The following MED27 variants were observed in gnomAD, a reference collection of about 807,000 sequenced individuals.
The protein encoded by MED27 is mediator of RNA polymerase II transcription subunit 27.
A neutral mutation model predicts 38.2 loss-of-function variants in MED27; 30 were observed. The observed-to-expected ratio is 0.79, with a 90% CI of 0.59 to 1.07. The LOEUF is 1.07. Among genes scored for constraint, MED27 ranks in the 50% least tolerant of loss-of-function variants. The pLI, the probability that MED27 is intolerant of heterozygous loss-of-function variation, is 0.00. For missense variants in MED27, 289 were observed against 397.5 expected (o/e 0.73, Z 2.32); for synonymous variants, 122 against 153.5 (o/e 0.79, Z 1.52).
At chr9:132,022,854 G>T (rs781456805) in intron 2 of MED27, among the ~76,000 whole-genome samples, 1 of 152,158 alleles carries the variant, frequency 6.6e-6, no homozygotes, top group Non-Finnish European at 1.5e-5. Context: ...ACGTAAAACC[G>T]TCAGATCTCA....
chr9:131,906,775 G>A (rs1830070988), intron 4 of MED27, among the ~76,000 whole-genome samples: 1 of 152,096 alleles, frequency 6.6e-6, no homozygotes, highest in Non-Finnish European at 1.5e-5. Context: ...TATTAGGAAA[G>A]TAAAGGAAAA....
chr9:132,060,173 T>C (rs779718736), intron 2 of MED27, among the ~76,000 whole-genome samples: 17 of 152,136 alleles, frequency 1.1e-4, no homozygotes, highest in Non-Finnish European at 1.2e-4. Context: ...CTGATTAGCA[T>C]AGGTATGACC....
chr9:131,946,720 T>C (rs1830893369), intron 3 of MED27, among the ~76,000 whole-genome samples: 1 of 152,230 alleles, frequency 6.6e-6, no homozygotes, highest in Admixed American at 6.5e-5. Context: ...TCCACGTCCC[T>C]GAGCAGGCTC....
intron 5 of MED27, among the ~76,000 whole-genome samples, chr9:131,885,988 T>C (rs2131489656): frequency 6.6e-6 from 1 of 152,268 alleles, no homozygotes; most frequent in South Asian, 2.1e-4. Flanking sequence ...TTTAGGCCTG[T>C]GTGGTGTGTG....
At chr9:131,964,169 A>T (rs1423704847) in intron 3 of MED27, among the ~76,000 whole-genome samples, 1 of 151,978 alleles carries the variant, frequency 6.6e-6, no homozygotes, top group Non-Finnish European at 1.5e-5. Flanking sequence ...TGAAGATTGT[A>T]GTTGCACCTA....
intron 4 of MED27, among the ~76,000 whole-genome samples, chr9:131,907,381 C>A (rs1046413988): frequency 6.6e-6 from 1 of 152,196 alleles, no homozygotes; most frequent in Non-Finnish European, 1.5e-5. Context: ...CCACGCCTGA[C>A]TGGTTTTCGT....
chr9:132,035,101 A>G (rs1246602158), intron 2 of MED27, among the ~76,000 whole-genome samples: 4 of 152,142 alleles, frequency 2.6e-5, no homozygotes, highest in Admixed American at 2.6e-4. Flanking sequence ...AATCCTTGCA[A>G]TGCAATAAAG....
At chr9:131,940,567 C>T (rs1463358496) in intron 3 of MED27, among the ~76,000 whole-genome samples, 2 of 152,082 alleles carry the variant, frequency 1.3e-5, no homozygotes, top group East Asian at 1.9e-4. Flanking sequence ...AGGCACCCAC[C>T]ACCACTCCCG....
intron 4 of MED27, among the ~76,000 whole-genome samples, chr9:131,931,461 G>T (rs1009522521): frequency 6.6e-6 from 1 of 151,870 alleles, no homozygotes; most frequent in Non-Finnish European, 1.5e-5. Flanking sequence ...CCAGAAAACA[G>T]CAAAATGGAA....
At chr9:132,059,607 G>A (rs1032191502) in intron 2 of MED27, among the ~76,000 whole-genome samples, 5 of 152,140 alleles carry the variant, frequency 3.3e-5, no homozygotes, top group Admixed American at 1.3e-4. Flanking sequence ...CTGCTGAGCC[G>A]CGACAGTGGA....
At chr9:131,970,649 A>G (rs904715723) in intron 3 of MED27, among the ~76,000 whole-genome samples, 8 of 152,244 alleles carry the variant, frequency 5.3e-5, no homozygotes, top group Non-Finnish European at 1.0e-4. Flanking sequence ...ACGTTCTCAG[A>G]AGCGAGATGG....
intron 4 of MED27, among the ~76,000 whole-genome samples, chr9:131,899,493 G>GTGAC (rs1829893606): frequency 6.6e-6 from 1 of 152,206 alleles, no homozygotes; most frequent in East Asian, 1.9e-4. Flanking sequence ...TGCAGGCAGT[G>GTGAC]TGACCCAGGG....
chr9:132,041,671 G>C (rs1207731289), intron 2 of MED27, among the ~76,000 whole-genome samples: 2 of 152,202 alleles, frequency 1.3e-5, no homozygotes, highest in Non-Finnish European at 2.9e-5. Context: ...AAATGAAAGA[G>C]ATTACTTTTT....
In MED27 at chr9:132,003,033, G is replaced by A. The variant is rs1039722656; in HGVS notation, c.479+11304C>T. The stretch of plus-strand genomic sequence containing the variant: ...TCACTTACAACCAGCATTAGTTGGG[G>A]GACAGCATGGTGTGAAGTATTAACA... On this transcript the variant is annotated intron_variant, in intron 3 of 7. Transcript: ENST00000292035. The surrounding 1 kb of genome is among the most constrained non-coding windows in gnomAD (Gnocchi z 4.2). 1.3e-5 allele frequency among the ~76,000 whole-genome samples: 2 copies of A among 152,000 alleles called. No homozygotes were observed. Among genetic ancestry groups the A allele is most frequent in the African/African-American group, 4.8e-5 (2 of 41,410 alleles).
chr9:131,910,478 G>C (rs938724169), intron 4 of MED27, among the ~76,000 whole-genome samples: 10 of 152,096 alleles, frequency 6.6e-5, no homozygotes, highest in African/African-American at 2.4e-4. Context: ...TGATATTAGG[G>C]GTGCCAGTGA....
chr9:131,877,033 T>C (rs1016476707), intron 6 of MED27, among the ~76,000 whole-genome samples: 6 of 152,156 alleles, frequency 3.9e-5, no homozygotes, highest in Non-Finnish European at 8.8e-5. Flanking sequence ...GGCTGAGATC[T>C]ATAAAAGACA....
At chr9:131,962,073 G>C (rs1831227988) in intron 3 of MED27, among the ~76,000 whole-genome samples, 1 of 152,186 alleles carries the variant, frequency 6.6e-6, no homozygotes, top group Non-Finnish European at 1.5e-5. Context: ...GCAAAGCTGG[G>C]ACTGGAACTC....
intron 3 of MED27, among the ~76,000 whole-genome samples, chr9:131,945,657 A>T (rs1406307287): frequency 6.6e-6 from 1 of 152,060 alleles, no homozygotes; most frequent in Non-Finnish European, 1.5e-5. Flanking sequence ...ACTTTTTTAG[A>T]TTCCACATAG....
intron 4 of MED27, among the ~76,000 whole-genome samples, chr9:131,904,755 C>T (rs1830022288): frequency 6.6e-6 from 1 of 152,170 alleles, no homozygotes; most frequent in African/African-American, 2.4e-5. Context: ...GCAGCACTTC[C>T]AATTTTCCTT....
Sources: gnomAD v4.1 joint callset for allele counts (sites outside exome capture counted in the v4.1 genomes callset) on GRCh38, gnomAD v4.1.1 for gene constraint, Gnocchi (gnomAD v3.1) non-coding constraint, MANE v1.5 for transcripts, NCBI Gene and HGNC (gene_info 2026-07-23, HGNC 2026-07-21) for gene names.